Variants in CRYBG1 observed in about 807,000 individuals in gnomAD.
The protein encoded by CRYBG1 is beta/gamma crystallin domain-containing protein 1.
A neutral mutation model predicts 189.2 loss-of-function variants in CRYBG1; 139 were observed. The observed-to-expected ratio is 0.73, with a 90% CI of 0.64 to 0.85. The LOEUF (loss-of-function observed/expected upper bound fraction) is 0.85. Among genes scored for constraint, CRYBG1 ranks in the 40% least tolerant of loss-of-function variants. CRYBG1 has a pLI of 0.00. For missense variants in CRYBG1, 2,611 were observed against 2,675.8 expected (o/e 0.98, Z 0.53); for synonymous variants, 1,023 against 1,017.1 (o/e 1.01, Z -0.11).
chr6:106,477,385 C>A (rs1157478208), intron 2 of CRYBG1, among the ~76,000 whole-genome samples: 1 of 152,128 alleles, frequency 6.6e-6, no homozygotes, highest in African/African-American at 2.4e-5. Context: ...TTTGTGCTTT[C>A]AGTAGATAGT....
At chr6:106,559,340 C>T (rs1008533043) in intron 18 of CRYBG1, among the ~76,000 whole-genome samples, 2 of 152,098 alleles carry the variant, frequency 1.3e-5, no homozygotes, top group African/African-American at 2.4e-5. Flanking sequence ...CCCTCAACTT[C>T]GAATACTTTT....
At chr6:106,568,420 T>C (rs999810442) in intron 21 of CRYBG1, 52 bp from the exon 22 acceptor site, 1 of 1,405,312 alleles carries the variant, frequency 7.1e-7, no homozygotes, top group African/African-American at 1.4e-5. Context: ...GTGTCTGCTA[T>C]AGACCCTTCA....
intron 1 of CRYBG1, among the ~76,000 whole-genome samples, chr6:106,432,870 C>T (rs1771360214): frequency 7.7e-6 from 1 of 130,506 alleles, no homozygotes; most frequent in Non-Finnish European, 1.6e-5. Flanking sequence ...GACAGAGTCT[C>T]ACTCTGTTGC....
At chr6:106,368,884 A>T (rs998869445) in intron 1 of CRYBG1, among the ~76,000 whole-genome samples, 8 of 152,172 alleles carry the variant, frequency 5.3e-5, no homozygotes, top group Non-Finnish European at 1.2e-4. Flanking sequence ...ATAAACAACC[A>T]TAACTTAATT....
intron 2 of CRYBG1, among the ~76,000 whole-genome samples, chr6:106,475,342 G>A (rs748084823): frequency 2.0e-5 from 3 of 152,100 alleles, no homozygotes; most frequent in African/African-American, 7.2e-5. Flanking sequence ...AAATGTACAC[G>A]AAAAAGTTAA....
At chr6:106,419,452 G>A (rs1308607922) in intron 1 of CRYBG1, among the ~76,000 whole-genome samples, 1 of 152,110 alleles carries the variant, frequency 6.6e-6, no homozygotes, top group Non-Finnish European at 1.5e-5. Flanking sequence ...GTGTGATCAC[G>A]GCTCACTGCA....
At chr6:106,474,508 G>A (rs1004996942) in intron 2 of CRYBG1, among the ~76,000 whole-genome samples, 5 of 152,106 alleles carry the variant, frequency 3.3e-5, no homozygotes, top group Non-Finnish European at 7.4e-5. Flanking sequence ...TTTTTATTTA[G>A]TATTTTAAAT....
chr6:106,442,721 G>C (rs541273850), intron 1 of CRYBG1, among the ~76,000 whole-genome samples: 92 of 152,286 alleles, frequency 6.0e-4, no homozygotes, highest in Non-Finnish European at 9.0e-4. Context: ...TCTGTGATGT[G>C]ACAGATGTTA....
rs1293022858 is a variant in CRYBG1 at position 106,544,647 on chromosome 6, G to A, written c.5116G>A (p.Ala1706Thr). 1.4e-5 allele frequency: 22 copies of A among 1,614,136 alleles called. No homozygotes were observed. Among genetic ancestry groups the A allele is most frequent in the Non-Finnish European group, 1.8e-5 (21 of 1,179,996 alleles). ...LEEGEYRDWK[A>T]WGGYNGELQS... ...AGAAGGAGAATACAGGGACTGGAAAGCCTGGGGAGGTTACAATGGAGAGCT... is the reference window on the plus strand; with the variant it reads ...AGAAGGAGAATACAGGGACTGGAAAACCTGGGGAGGTTACAATGGAGAGCT... The change falls in exon 12 of 22, where the codon GCC (alanine) becomes ACC (threonine). Residue 1706 changes from alanine (A) to threonine (T), a missense_variant. Coordinates refer to ENST00000633556, the MANE Select transcript of CRYBG1 (RefSeq NM_001371242.2).
chr6:106,393,080 A>C (rs1770538843), intron 1 of CRYBG1, among the ~76,000 whole-genome samples: 1 of 152,172 alleles, frequency 6.6e-6, no homozygotes, highest in Non-Finnish European at 1.5e-5. Context: ...TGGTAATACA[A>C]TTTTTAGATT....
intron 1 of CRYBG1, among the ~76,000 whole-genome samples, chr6:106,444,479 T>A: frequency 6.6e-6 from 1 of 152,204 alleles, no homozygotes; most frequent in East Asian, 1.9e-4. Flanking sequence ...GGTTGTTTGG[T>A]CCTCGGCCTT....
chr6:106,392,523 G>C (rs1401375545), intron 1 of CRYBG1, among the ~76,000 whole-genome samples: 1 of 152,214 alleles, frequency 6.6e-6, no homozygotes, highest in Non-Finnish European at 1.5e-5. Flanking sequence ...ACAGTGCTAA[G>C]AGGGGAGTGG....
chr6:106,391,484 C>T (rs1176833238), intron 1 of CRYBG1, among the ~76,000 whole-genome samples: 11 of 152,070 alleles, frequency 7.2e-5, no homozygotes, highest in Non-Finnish European at 1.6e-4. Context: ...TGTTGGACAA[C>T]TTTTCACAAA....
chr6:106,530,670 G>T (rs541262205), intron 8 of CRYBG1, among the ~76,000 whole-genome samples: 4 of 152,134 alleles, frequency 2.6e-5, no homozygotes, highest in Non-Finnish European at 2.9e-5. Context: ...ATATTTCTGG[G>T]GGGGGATGGA....
intron 2 of CRYBG1, among the ~76,000 whole-genome samples, chr6:106,505,722 A>ATT (rs34498308): frequency 0.028 from 4,172 of 147,550 alleles, 184 homozygotes; most frequent in African/African-American, 0.094. Flanking sequence ...AACTCATGCT[A>ATT]TTTTTTTTTT....
At chr6:106,518,416 A>T (rs942647005) in intron 3 of CRYBG1, among the ~76,000 whole-genome samples, 13 of 152,272 alleles carry the variant, frequency 8.5e-5, no homozygotes, top group Admixed American at 8.5e-4. Flanking sequence ...ATAAAAATAC[A>T]TAATTGATGT....
At chr6:106,486,262 G>T (rs1772590498) in intron 2 of CRYBG1, among the ~76,000 whole-genome samples, 1 of 134,160 alleles carries the variant, frequency 7.5e-6, no homozygotes, top group Admixed American at 8.8e-5. Context: ...GTATTTTTGA[G>T]GTTTCCAAAG....
At chr6:106,560,425 A>G (rs930708001) in intron 18 of CRYBG1, among the ~76,000 whole-genome samples, 1 of 152,204 alleles carries the variant, frequency 6.6e-6, no homozygotes, top group African/African-American at 2.4e-5. Flanking sequence ...ATTTAACCCT[A>G]TTTAGCACCT....
chr6:106,530,268 A>G lies in CRYBG1; in HGVS notation c.4671A>G (p.Gly1557=), dbSNP rs1212138830. ...TTGATGATACTGAAGAAATGCAGGG[A>G]TTTGGTGTAATGCAGAAGACTTGTT... ...SYFDDTEEMQ[G]FGVMQKTCSM... The change falls in exon 8 of 22, where the codon GGA becomes GGG. Residue 1557 remains glycine, a synonymous_variant. Transcript: ENST00000633556. 6 of 1,613,680 alleles carry G rather than the reference A, an allele frequency of 3.7e-6. No homozygotes were observed. Among genetic ancestry groups the G allele is most frequent in the Non-Finnish European group, 5.1e-6 (6 of 1,179,868 alleles).
Sources: allele counts gnomAD v4.1 joint callset (sites outside exome capture counted in the v4.1 genomes callset), GRCh38; gene constraint gnomAD v4.1.1; transcripts MANE v1.5; gene names NCBI Gene and HGNC (gene_info 2026-07-23, HGNC 2026-07-21).